Variants in SRPK2 observed in about 807,000 individuals in gnomAD.
The protein encoded by SRPK2 is SRSF protein kinase 2.
Under a neutral mutation model 90.8 loss-of-function variants are expected in SRPK2, and 21 were observed. The ratio of observed to expected loss-of-function variants is 0.23; its 90% CI spans 0.16 to 0.33. SRPK2 has a LOEUF of 0.33. SRPK2 is among the 10% of genes least tolerant of loss of function. SRPK2 has a pLI of 1.00. For missense variants in SRPK2, 620 were observed against 869.0 expected, an observed-to-expected ratio of 0.71 and a Z score of 3.60; for synonymous variants, 288 against 311.1, an observed-to-expected ratio of 0.93 and a Z score of 0.78.
chr7:105,137,706 T>C (rs1488000928), intron 11 of SRPK2, among the ~76,000 whole-genome samples: 4 of 152,122 alleles, frequency 2.6e-5, no homozygotes, highest in Non-Finnish European at 5.9e-5. Context: ...CAAATTACTC[T>C]AGGAAAAAAG....
chr7:105,319,686 T>C (rs1354398025), intron 2 of SRPK2, among the ~76,000 whole-genome samples: 1 of 152,118 alleles, frequency 6.6e-6, no homozygotes, highest in African/African-American at 2.4e-5. Context: ...AAAACGTAAC[T>C]ATGGGTATGC....
At chr7:105,243,927 C>T (rs1335202108) in intron 2 of SRPK2, among the ~76,000 whole-genome samples, 2 of 152,208 alleles carry the variant, frequency 1.3e-5, no homozygotes, top group Admixed American at 6.5e-5. Flanking sequence ...GGAAGAGAAA[C>T]AGCCAAGGTA....
At chr7:105,176,870 G>A (rs1163425201) in intron 3 of SRPK2, among the ~76,000 whole-genome samples, 4 of 151,952 alleles carry the variant, frequency 2.6e-5, no homozygotes, top group African/African-American at 9.7e-5. Flanking sequence ...CTTGACCTCA[G>A]GTGATCCGCC....
chr7:105,205,486 A>G (rs1011795787), intron 2 of SRPK2, among the ~76,000 whole-genome samples: 3 of 150,232 alleles, frequency 2.0e-5, no homozygotes, highest in African/African-American at 7.4e-5. Flanking sequence ...CTGAAAGAGA[A>G]TAATATTCAT....
At chr7:105,116,350 TA>T (rs1313161656), downstream of SRPK2, 1 of 152,466 alleles carries the variant, frequency 6.6e-6, no homozygotes. Flanking sequence ...TTCTATCATT[TA>T]TAGGGCAATG....
chr7:105,383,962 A>G (rs1195260430), intron 2 of SRPK2, among the ~76,000 whole-genome samples: 1 of 152,210 alleles, frequency 6.6e-6, no homozygotes, highest in African/African-American at 2.4e-5. Context: ...CGCAGGGGGA[A>G]GGGGAATGGA....
chr7:105,127,807 T>C (rs1320856523), intron 13 of SRPK2, among the ~76,000 whole-genome samples: 4 of 152,216 alleles, frequency 2.6e-5, no homozygotes, highest in African/African-American at 9.6e-5. Context: ...CTGCTACTGC[T>C]CTGCTGATCA....
chr7:105,312,005 A>G (rs1052045842), intron 2 of SRPK2, among the ~76,000 whole-genome samples: 11 of 152,240 alleles, frequency 7.2e-5, no homozygotes, highest in East Asian at 1.9e-4. Flanking sequence ...ATACAATGTA[A>G]TATTATTCAG....
In SRPK2 at chr7:105,334,775, G is replaced by A. The variant is rs1814866811; in HGVS notation, c.71+53873C>T. Among the ~76,000 whole-genome samples, 2 of 148,050 alleles carry A rather than the reference G, an allele frequency of 1.4e-5. 1 individual carries two copies. The highest frequency in any genetic ancestry group is 4.2e-4 in the South Asian group (2 of 4,730). On this transcript the variant is annotated intron_variant, in intron 2 of 15. Transcript: ENST00000393651. ...GAATCACTTGAACTCGGGAGGCAGA[G>A]GTTGCAGTGAGCCAAAATCATGCCA...
chr7:105,383,427 T>TG (rs1821185632), intron 2 of SRPK2, among the ~76,000 whole-genome samples: 1 of 150,184 alleles, frequency 6.7e-6, no homozygotes, highest in South Asian at 2.1e-4. Flanking sequence ...GAATTTTTTT[T>TG]TTTTTTTAAT....
intron 2 of SRPK2, among the ~76,000 whole-genome samples, chr7:105,329,502 G>A (rs1814016697): frequency 6.6e-6 from 1 of 150,982 alleles, no homozygotes; most frequent in Admixed American, 6.6e-5. Context: ...CTGAGGTGGG[G>A]AGAATCACTT....
intron 2 of SRPK2, among the ~76,000 whole-genome samples, chr7:105,381,145 G>T (rs1382670824): frequency 6.6e-6 from 1 of 151,830 alleles, no homozygotes; most frequent in South Asian, 2.1e-4. Flanking sequence ...TTGGGAGGCT[G>T]AGGCATGAGG....
At chr7:105,244,981 C>T (rs1326503787) in intron 2 of SRPK2, 1 of 1,151,686 alleles carries the variant, frequency 8.7e-7, no homozygotes, top group Non-Finnish European at 1.3e-6. Flanking sequence ...GCCCCCTTCC[C>T]TGCCCTCTCC....
intron 7 of SRPK2, among the ~76,000 whole-genome samples, chr7:105,157,422 C>A (rs376650036): frequency 6.6e-6 from 1 of 152,026 alleles, no homozygotes; most frequent in Admixed American, 6.6e-5. Flanking sequence ...TAGTACTACC[C>A]GGGAGAAAGA....
rs3735371 is a variant in SRPK2, at chr7:105,301,866, A to C, written c.71+86782T>G. 3.2e-3 allele frequency: 5,071 copies of C among 1,579,448 alleles called. 124 individuals carry two copies. The East Asian group carries it at 0.057, about 18-fold the overall frequency. On this transcript the variant is annotated intron_variant, in intron 2 of 15. Coordinates refer to ENST00000393651, the MANE Select transcript of SRPK2 (RefSeq NM_182692.3). ...TAAGAGCAGTTCATGGAGAATCACA[A>C]TCCCATTAATTCCACAACATCGATA...
At chr7:105,305,230 A>C (rs1811010728) in intron 2 of SRPK2, among the ~76,000 whole-genome samples, 1 of 152,178 alleles carries the variant, frequency 6.6e-6, no homozygotes, top group South Asian at 2.1e-4. Context: ...ACCTGAAGTC[A>C]AGAGTTCAAG....
chr7:105,225,472 C>G (rs543784418), intron 2 of SRPK2, among the ~76,000 whole-genome samples: 1 of 152,274 alleles, frequency 6.6e-6, no homozygotes, highest in African/African-American at 2.4e-5. Flanking sequence ...TATGGCAGAG[C>G]TCCCAAATCA....
chr7:105,387,644 T>C (rs907672095), intron 2 of SRPK2, among the ~76,000 whole-genome samples: 22 of 152,080 alleles, frequency 1.4e-4, no homozygotes, highest in Admixed American at 8.5e-4. Flanking sequence ...CAAAAATGTT[T>C]CTGGATTTTA....
At chr7:105,335,446 G>A (rs550405960) in intron 2 of SRPK2, among the ~76,000 whole-genome samples, 3 of 152,112 alleles carry the variant, frequency 2.0e-5, no homozygotes, top group Admixed American at 1.3e-4. Context: ...AACTGGATGA[G>A]CCTAGGAGTT....
Sources: gnomAD v4.1 joint callset for allele counts (sites outside exome capture counted in the v4.1 genomes callset) on GRCh38, gnomAD v4.1.1 for gene constraint, MANE v1.5 for transcripts, NCBI Gene and HGNC (gene_info 2026-07-23, HGNC 2026-07-21) for gene names.